Variants in SCAPER observed in about 807,000 individuals in gnomAD.
SCAPER encodes the protein S phase cyclin A-associated protein in the endoplasmic reticulum.
Under a neutral mutation model 182.2 loss-of-function variants are expected in SCAPER, and 98 were observed. The observed-to-expected ratio is 0.54, with a 90% CI of 0.46 to 0.64. SCAPER has a LOEUF of 0.64. Ranked by LOEUF, SCAPER falls within the 30% of genes least tolerant of loss-of-function variation. The pLI, the probability that SCAPER is intolerant of heterozygous loss-of-function variation, is 0.00. For missense variants in SCAPER, 1,432 were observed against 1,690.0 expected (o/e 0.85, Z 2.68); for synonymous variants, 605 against 564.6 (o/e 1.07, Z -1.01).
chr15:76,893,194 G>A (rs1568422652), intron 1 of SCAPER, among the ~76,000 whole-genome samples: 1 of 152,160 alleles, frequency 6.6e-6, no homozygotes, highest in Non-Finnish European at 1.5e-5. Context: ...GGGGCTGAGG[G>A]AGGGATAGCA....
intron 4 of SCAPER, among the ~76,000 whole-genome samples, chr15:76,843,130 T>A (rs1025010081): frequency 6.6e-6 from 1 of 152,188 alleles, no homozygotes; most frequent in Admixed American, 6.6e-5. Context: ...TATATATGTA[T>A]AGCATTCATA....
chr15:76,857,960 T>C (rs2071547051), intron 3 of SCAPER, 81 bp from the exon 4 acceptor site: 3 of 994,848 alleles, frequency 3.0e-6, no homozygotes, highest in South Asian at 3.0e-5. Flanking sequence ...AATTAGATAA[T>C]GTAAACCTAA....
intron 22 of SCAPER, among the ~76,000 whole-genome samples, chr15:76,592,129 T>G (rs1046614477): frequency 2.6e-5 from 4 of 151,788 alleles, no homozygotes; most frequent in South Asian, 2.1e-4. Flanking sequence ...ATGTTATATA[T>G]ATAGAGAGAT....
At chr15:76,682,779 G>C (rs971452447) in intron 20 of SCAPER, among the ~76,000 whole-genome samples, 2 of 152,094 alleles carry the variant, frequency 1.3e-5, no homozygotes, top group African/African-American at 4.8e-5. Context: ...ACAGCACACA[G>C]CCTAGGAGTA....
chr15:76,389,959 C>CT (rs879728006), intron 27 of SCAPER, among the ~76,000 whole-genome samples: 14 of 148,130 alleles, frequency 9.5e-5, no homozygotes, highest in Non-Finnish European at 1.8e-4. Context: ...AAAGAGGAAC[C>CT]TTTTTTTTTT....
At chr15:76,573,987 T>A (rs572411632) in intron 23 of SCAPER, among the ~76,000 whole-genome samples, 171 bp downstream of exon 23, 1 of 152,022 alleles carries the variant, frequency 6.6e-6, no homozygotes, top group Admixed American at 6.5e-5. Flanking sequence ...ATAGCTTCAA[T>A]TAAACAACTG....
At chr15:76,499,186 C>T (rs1408717013) in intron 24 of SCAPER, among the ~76,000 whole-genome samples, 2 of 152,140 alleles carry the variant, frequency 1.3e-5, no homozygotes, top group Non-Finnish European at 2.9e-5. Flanking sequence ...TAAAGATAGA[C>T]TAAAGAAGCC....
intron 20 of SCAPER, among the ~76,000 whole-genome samples, chr15:76,669,780 T>C (rs185627923): frequency 1.3e-5 from 2 of 152,340 alleles, no homozygotes; most frequent in African/African-American, 2.4e-5. Context: ...CCTCCCGCCA[T>C]GCTGCTCATG....
chr15:76,394,038 T>C (rs2043882082), intron 27 of SCAPER, among the ~76,000 whole-genome samples: 4 of 152,236 alleles, frequency 2.6e-5, no homozygotes, highest in African/African-American at 9.7e-5. Context: ...GATTAATAGA[T>C]GGTTGTTTTA....
Position 76,853,553 on chromosome 15 carries a change from GA to G in SCAPER, c.195+4255del, listed in dbSNP as rs776104865. On this transcript the variant is annotated intron_variant, in intron 4 of 31. Transcript: ENST00000563290. Reference sequence around the variant, plus strand: ...GATTCAACACCTAAACAGAACTAAAGAAAAAAAAAAACCACATAGTTATCTC... The same window carrying G: ...GATTCAACACCTAAACAGAACTAAAGAAAAAAAAAACCACATAGTTATCTC... 7.9e-3 allele frequency among the ~76,000 whole-genome samples: 1,079 copies of G among 137,426 alleles called. 14 individuals carry two copies. Among genetic ancestry groups the G allele is most frequent in the African/African-American group, 0.026 (980 of 37,468 alleles). The allele number at this position is 137,426 out of a possible 152,430, so 90.2% of individuals were successfully genotyped here. A position where few individuals can be genotyped will look rare whatever the true frequency, so the allele number is the denominator to read the frequency against.
intron 25 of SCAPER, among the ~76,000 whole-genome samples, chr15:76,435,075 T>C (rs1419737854): frequency 6.6e-6 from 1 of 152,156 alleles, no homozygotes; most frequent in Non-Finnish European, 1.5e-5. Flanking sequence ...CTACCAAAGA[T>C]AGAGGAATAA....
At chr15:76,649,436 C>T (rs1395427387) in intron 21 of SCAPER, among the ~76,000 whole-genome samples, 1 of 151,698 alleles carries the variant, frequency 6.6e-6, no homozygotes, top group Non-Finnish European at 1.5e-5. Flanking sequence ...CCCCTGCTCC[C>T]CACCACCACC....
chr15:76,775,740 A>G (rs1239228968), intron 8 of SCAPER, among the ~76,000 whole-genome samples: 1 of 152,192 alleles, frequency 6.6e-6, no homozygotes, highest in Non-Finnish European at 1.5e-5. Flanking sequence ...ATTAATTGAT[A>G]GCACCCAGAG....
At chr15:76,763,356 T>TG (rs552651397) in intron 14 of SCAPER, among the ~76,000 whole-genome samples, 79 of 54,854 alleles carry the variant, frequency 1.4e-3, no homozygotes, top group African/African-American at 4.7e-3. Flanking sequence ...TGGGGGGTGG[T>TG]GGGGGGGCAG....
At position 76,733,143 on chromosome 15, in the gene SCAPER, G is replaced by A. The variant is rs2061024795; in HGVS notation, c.2022+86C>T. ...TACAATCTCCCATCTCCGCACATGG[G>A]GAGAAAAACCCACCGACCCTGCGGG... On this transcript the variant is annotated intron_variant, in intron 16 of 31. Transcript: ENST00000563290. 6 of 1,237,502 alleles carry A rather than the reference G, an allele frequency of 4.8e-6. No individual in the cohort carries two copies. The South Asian group carries it at 9.2e-5, about 19-fold the overall frequency. 76.7% of individuals were successfully genotyped at this position (1,237,502 alleles called of 1,614,324 possible). A position where few individuals can be genotyped will look rare whatever the true frequency, so the allele number is the denominator to read the frequency against.
chr15:76,719,995 T>C lies in SCAPER; in HGVS notation c.2165+8600A>G, dbSNP rs191815444. Among the ~76,000 whole-genome samples, 93 of 152,130 alleles carry C rather than the reference T, an allele frequency of 6.1e-4. 1 individual carries two copies. In the East Asian group the frequency reaches 0.015, roughly 24 times the overall value. ...GCACAACGTGCAGGTTTGTTACATA[T>C]GTATACATGTGCCATGTTGGTGTGC... On this transcript the variant is annotated intron_variant, in intron 17 of 31. Transcript: ENST00000563290.
chr15:76,755,475 C>A (rs755650765), intron 14 of SCAPER, among the ~76,000 whole-genome samples: 29 of 152,156 alleles, frequency 1.9e-4, no homozygotes, highest in Non-Finnish European at 2.6e-4. Flanking sequence ...TTAACCCATG[C>A]ATATTTATAT....
At chr15:76,796,499 TAA>T (rs2065337816) in intron 7 of SCAPER, among the ~76,000 whole-genome samples, 1 of 152,178 alleles carries the variant, frequency 6.6e-6, no homozygotes, top group African/African-American at 2.4e-5. Context: ...ACATTTGAAG[TAA>T]ATATATAACT....
At chr15:76,579,907 A>C (rs1307768045) in intron 22 of SCAPER, among the ~76,000 whole-genome samples, 1 of 152,220 alleles carries the variant, frequency 6.6e-6, no homozygotes, top group Non-Finnish European at 1.5e-5. Context: ...TCAAGACAAA[A>C]CTATAAAGAG....
Sources: gnomAD v4.1 joint callset for allele counts (sites outside exome capture counted in the v4.1 genomes callset) on GRCh38, gnomAD v4.1.1 for gene constraint, MANE v1.5 for transcripts, NCBI Gene and HGNC (gene_info 2026-07-23, HGNC 2026-07-21) for gene names.